GGA1: variants seen among roughly 807,000 people sequenced by gnomAD.
GGA1 encodes ADP-ribosylation factor-binding protein GGA1.
Under a neutral mutation model 76.9 loss-of-function variants are expected in GGA1, and 18 were observed. The ratio of observed to expected loss-of-function variants is 0.23; its 90% CI spans 0.16 to 0.35. GGA1 has a LOEUF of 0.35. GGA1 is among the 10% of genes least tolerant of loss of function. The pLI, the probability that GGA1 is intolerant of heterozygous loss-of-function variation, is 1.00. For missense variants in GGA1, 755 were observed against 859.0 expected (o/e 0.88, Z 1.51); for synonymous variants, 342 against 354.7 (o/e 0.96, Z 0.40).
chr22:37,631,155 G>A, intron 14 of GGA1, 56 bp downstream of exon 14: 1 of 1,370,004 alleles, frequency 7.3e-7, no homozygotes, highest in Non-Finnish European at 9.9e-7. Flanking sequence ...TGCCCTGTCA[G>A]GAGCTCTGTC....
chr22:37,625,278 G>A lies in GGA1; in HGVS notation c.940+202G>A, dbSNP rs1930616677. Among the ~76,000 whole-genome samples the A allele has an allele frequency of 6.6e-6, 1 of 152,138 alleles. No homozygotes were observed. The highest frequency in any genetic ancestry group is 1.5e-5 in the Non-Finnish European group (1 of 68,010). On this transcript the variant is annotated intron_variant, in intron 10 of 16. Coordinates refer to ENST00000343632, the MANE Select transcript of GGA1 (RefSeq NM_013365.5). The surrounding 1 kb of genome is among the most constrained non-coding windows in gnomAD (Gnocchi z 4.1). ...GCTGTGGGGGAAGAAGTCTGGTGGG[G>A]GAGCTGAGGGTTTGGTGAGGACAGG...
chr22:37,618,492 C>T lies in GGA1; in HGVS notation c.249C>T (p.Asp83=), dbSNP rs773529341. 51 of 1,613,530 alleles carry T rather than the reference C, an allele frequency of 3.2e-5. 1 individual carries two copies. Among genetic ancestry groups the T allele is most frequent in the Admixed American group, 1.0e-4 (6 of 60,002 alleles). ...AGAGCTGCGGCAAGCGGTTCCACGA[C>T]GAAGTGGGCAAGTTCCGCTTTCTCA... ...CMKSCGKRFH[D]EVGKFRFLNE... is the part of the protein sequence containing the mutation. The change falls in exon 4 of 17, where the codon GAC becomes GAT. Residue 83 remains aspartate, a synonymous_variant. Coordinates refer to ENST00000343632, the MANE Select transcript of GGA1 (RefSeq NM_013365.5).
At position 37,632,990 on chromosome 22, in the gene GGA1, G is replaced by A. The variant is rs1044290022; in HGVS notation, c.*279G>A. ...AGGGAGGGGCTGTGTAGCCTTGGAA[G>A]AACTTGGGTCATGGGGAGGAAGCAC... On this transcript the variant is annotated 3_prime_UTR_variant, in exon 17 of 17. Transcript: ENST00000343632. This position sits in a 1 kb window ranked among gnomAD's most constrained non-coding sequence, Gnocchi z 5.1. 2.2e-6 allele frequency: 1 copy of A among 450,550 alleles called. No homozygotes were observed. Among genetic ancestry groups the A allele is most frequent in the Non-Finnish European group, 4.1e-6 (1 of 245,672 alleles). 27.9% of individuals were successfully genotyped at this position (450,550 alleles called of 1,614,324 possible).
intron 1 of GGA1, chr22:37,609,447 C>T: frequency 2.1e-6 from 1 of 468,732 alleles, no homozygotes; most frequent in Non-Finnish European, 3.0e-6. Flanking sequence ...TCTCTAGCCA[C>T]ATAGTGAGAA....
At position 37,630,091 on chromosome 22, in the gene GGA1, A is replaced by G. The variant is rs755600091; in HGVS notation, c.1252A>G (p.Ser418Gly). 6.2e-7 allele frequency: 1 copy of G among 1,610,750 alleles called. No individual in the cohort carries two copies. The highest frequency in any genetic ancestry group is 8.5e-7 in the Non-Finnish European group (1 of 1,178,042). The change falls in exon 13 of 17, where the codon AGC becomes GGC. Residue 418 changes from serine to glycine, a missense_variant. By Grantham distance (56) the Ser-to-Gly change is moderately conservative. Coordinates refer to ENST00000343632, the MANE Select transcript of GGA1 (RefSeq NM_013365.5). The part of the protein sequence containing the change: ...PPAQTSLPAS[S>G]GLDDLDLLGK... ...AGCGCAGACATCCCTGCCAGCAAGC[A>G]GCGGTCTGGACGACCTAGACCTCCT...
intron 3 of GGA1, chr22:37,617,359 G>T: frequency 8.7e-7 from 1 of 1,145,044 alleles, no homozygotes; most frequent in Non-Finnish European, 1.1e-6. Context: ...TGCATCCAGA[G>T]ATCTGCACGT....
At chr22:37,617,141 C>T (rs1000383286) in intron 3 of GGA1, 144 bp downstream of exon 3, 3 of 1,492,824 alleles carry the variant, frequency 2.0e-6, no homozygotes, top group Non-Finnish European at 1.8e-6. Flanking sequence ...TCCGGGCCTG[C>T]CCCAAGGGTC....
chr22:37,617,235 T>C lies in GGA1; in HGVS notation c.204+238T>C. 2.2e-6 allele frequency: 3 copies of C among 1,382,070 alleles called. No individual in the cohort carries two copies. In the South Asian group the frequency reaches 5.1e-5, roughly 24 times the overall value. 85.6% of individuals were successfully genotyped at this position (1,382,070 alleles called of 1,614,324 possible). A position where few individuals can be genotyped will look rare whatever the true frequency, so the allele number is the denominator to read the frequency against. The stretch of plus-strand genomic sequence containing the variant: ...TGAGGGAAGGCCCTCTAGGGTCATC[T>C]GGTCCAGGGGTTCTTTGCTTCAGCT... On this transcript the variant is annotated intron_variant, in intron 3 of 16. Transcript: ENST00000343632.
chr22:37,620,135 C>T (rs1354872392), intron 4 of GGA1, 103 bp from the exon 5 acceptor site: 1 of 1,350,294 alleles, frequency 7.4e-7, no homozygotes, highest in Non-Finnish European at 1.1e-6. Context: ...GGCTAGAGGG[C>T]TTCCCGGGGA....
At chr22:37,629,175 C>G (rs910361592) in intron 11 of GGA1, among the ~76,000 whole-genome samples, 6 of 152,232 alleles carry the variant, frequency 3.9e-5, no homozygotes, top group Non-Finnish European at 7.4e-5. Context: ...TGCCAGATGA[C>G]GAGTGAAGAT....
In GGA1 at chr22:37,624,766, C is replaced by T. The variant is rs1489581568; in HGVS notation, c.833-203C>T. The T allele has an allele frequency of 6.3e-6, 4 of 630,526 alleles. No individual in the cohort carries two copies. The allele number at this position is 630,526 out of a possible 1,614,324, so 39.1% of individuals were successfully genotyped here. A position where few individuals can be genotyped will look rare whatever the true frequency, so the allele number is the denominator to read the frequency against. Reference sequence around the variant, plus strand: ...TGTTGAGACAGCCCAGGCAGTATGGCAGGGAGTGAATGAGGGAAGGGTGGG... The same window carrying T: ...TGTTGAGACAGCCCAGGCAGTATGGTAGGGAGTGAATGAGGGAAGGGTGGG... On this transcript the variant is annotated intron_variant, in intron 9 of 16. Transcript: ENST00000343632. The surrounding 1 kb of genome is among the most constrained non-coding windows in gnomAD (Gnocchi z 4.3).
intron 3 of GGA1, 46 bp downstream of exon 3, chr22:37,617,043 A>C: frequency 1.3e-6 from 2 of 1,566,280 alleles, no homozygotes; most frequent in Non-Finnish European, 1.7e-6. Context: ...ATGTGACGAC[A>C]CCAAGGGAGG....
chr22:37,630,225 CCAG>C, intron 13 of GGA1, 55 bp downstream of exon 13: 1 of 1,309,052 alleles, frequency 7.6e-7, no homozygotes, highest in South Asian at 1.4e-5. Context: ...TTCCCACAAA[CCAG>C]CAACTTCTCC....
chr22:37,632,059 G>A lies in GGA1; in HGVS notation c.1592G>A (p.Arg531Gln), dbSNP rs140697419. Reference sequence around the variant, plus strand: ...TTCCGCATCCTCTTCCATTTTGCCCGGGACCCACTGCCAGGGCGCTCCGAC... The same window carrying A: ...TTCCGCATCCTCTTCCATTTTGCCCAGGACCCACTGCCAGGGCGCTCCGAC... ...HGFRILFHFA[R>Q]DPLPGRSDVL... Residue 531 changes from arginine to glutamine, a missense_variant, in exon 15 of 17, where the codon CGG becomes CAG. By Grantham distance (43) the Arg-to-Gln change is conservative. Coordinates refer to ENST00000343632, the MANE Select transcript of GGA1 (RefSeq NM_013365.5). This position sits in a 1 kb window ranked among gnomAD's most constrained non-coding sequence, Gnocchi z 5.1. 115 of 1,613,480 alleles carry A rather than the reference G, an allele frequency of 7.1e-5. No individual in the cohort carries two copies. The highest frequency in any genetic ancestry group is 5.1e-4 in the East Asian group (23 of 44,894).
intron 6 of GGA1, among the ~76,000 whole-genome samples, chr22:37,621,272 G>A (rs1929843240): frequency 6.6e-6 from 1 of 152,304 alleles, no homozygotes; most frequent in Non-Finnish European, 1.5e-5. Flanking sequence ...AGAGGTTAAA[G>A]TAAAAGGTCC....
rs1930341166 is a variant in GGA1, at chr22:37,623,849, C to G, written c.832+216C>G. On this transcript the variant is annotated intron_variant, in intron 9 of 16. Transcript: ENST00000343632. This position sits in a 1 kb window ranked among gnomAD's most constrained non-coding sequence, Gnocchi z 4.6. Reference sequence around the variant, plus strand: ...CCTGTGGGCCAGCCCCCTTAACAGGCATCTTATTTACTACCCGCAGCTGCA... The same window carrying G: ...CCTGTGGGCCAGCCCCCTTAACAGGGATCTTATTTACTACCCGCAGCTGCA... The G allele has an allele frequency of 6.6e-5, 36 of 549,022 alleles. 2 individuals are homozygous for G. The South Asian group carries it at 7.3e-4, about 11-fold the overall frequency. The allele number at this position is 549,022 out of a possible 1,614,324, so 34.0% of individuals were successfully genotyped here.
intron 12 of GGA1, 142 bp downstream of exon 12, chr22:37,629,668 C>T: frequency 1.7e-6 from 1 of 575,540 alleles, no homozygotes; most frequent in East Asian, 3.4e-5. Flanking sequence ...GGCCTGGAGA[C>T]ACCCACCCAG....
At chr22:37,616,493 T>A (rs1433588576) in intron 2 of GGA1, among the ~76,000 whole-genome samples, 1 of 152,174 alleles carries the variant, frequency 6.6e-6, no homozygotes, top group African/African-American at 2.4e-5. Context: ...ATGAAGCTGC[T>A]CTGATTTGCC....
At chr22:37,616,395 A>G (rs965675247) in intron 2 of GGA1, among the ~76,000 whole-genome samples, 8 of 152,118 alleles carry the variant, frequency 5.3e-5, no homozygotes, top group Non-Finnish European at 8.8e-5. Context: ...GAGCCTCCTC[A>G]CACATGACCA....
Sources: allele counts gnomAD v4.1 joint callset (sites outside exome capture counted in the v4.1 genomes callset), GRCh38; gene constraint gnomAD v4.1.1; non-coding constraint Gnocchi (gnomAD v3.1); transcripts MANE v1.5; gene names NCBI Gene and HGNC (gene_info 2026-07-23, HGNC 2026-07-21).